COMMD1: variants seen among roughly 807,000 people sequenced by gnomAD.
The protein encoded by COMMD1 is copper metabolism domain containing 1.
In COMMD1, 10 loss-of-function variants were observed where a neutral mutation model predicts 17.2. The observed-to-expected ratio is 0.58, with a 90% CI of 0.36 to 0.99. The LOEUF (loss-of-function observed/expected upper bound fraction) is 0.99. Ranked by LOEUF, COMMD1 falls within the 50% of genes least tolerant of loss-of-function variation. COMMD1 has a pLI of 0.01. For synonymous variants in COMMD1, 97 were observed against 91.6 expected (o/e 1.06, Z -0.34); for missense variants, 270 against 231.8 (o/e 1.17, Z -1.07).
chr2:61,946,712 C>G (rs1320938647), intron 1 of COMMD1, among the ~76,000 whole-genome samples: 1 of 152,092 alleles, frequency 6.6e-6, no homozygotes. Flanking sequence ...GTAAATAAAC[C>G]CATTCAGTCT....
chr2:61,901,068 T>C (rs1339344343), upstream of COMMD1, among the ~76,000 whole-genome samples: 1 of 152,012 alleles, frequency 6.6e-6, no homozygotes, highest in Non-Finnish European at 1.5e-5. Flanking sequence ...TGTCTCAGTC[T>C]CCTGAGTAGC....
At chr2:61,932,762 C>T (rs912102053) in intron 1 of COMMD1, among the ~76,000 whole-genome samples, 5 of 152,092 alleles carry the variant, frequency 3.3e-5, no homozygotes, top group African/African-American at 7.2e-5. Context: ...AGCACATGAG[C>T]GAGTGCAGGA....
At chr2:62,057,821 C>G (rs1247206755) in intron 2 of COMMD1, among the ~76,000 whole-genome samples, 1 of 152,040 alleles carries the variant, frequency 6.6e-6, no homozygotes, top group Non-Finnish European at 1.5e-5. Flanking sequence ...ATCCTCCCAC[C>G]TTGGTCTCCC....
intron 2 of COMMD1, among the ~76,000 whole-genome samples, chr2:62,067,092 G>A (rs941763599): frequency 2.6e-5 from 4 of 152,046 alleles, no homozygotes; most frequent in Admixed American, 2.6e-4. Context: ...GGGCATGGTG[G>A]CTCATGCCTG....
chr2:62,085,318 C>T (rs534548603), intron 2 of COMMD1, among the ~76,000 whole-genome samples: 1 of 151,782 alleles, frequency 6.6e-6, no homozygotes, highest in East Asian at 2.0e-4. Context: ...CCTGGGTTCA[C>T]ACCATTCCTC....
Position 62,000,817 on chromosome 2 carries a change from G to T in COMMD1, c.297G>T (p.Lys99Asn). Residue 99 changes from lysine to asparagine, a missense_variant, in exon 2 of 3, where the codon AAG becomes AAT. Coordinates refer to ENST00000311832, the MANE Select transcript of COMMD1 (RefSeq NM_152516.4). ...DQAAVISKFW[K>N]SHKTKIRESL... ...CTGCTGTCATTTCCAAATTCTGGAAGAGCCACAAGACAAAAATCCGTGAGA... is the reference window on the plus strand; with the variant it reads ...CTGCTGTCATTTCCAAATTCTGGAATAGCCACAAGACAAAAATCCGTGAGA... 2 of 1,614,162 alleles carry T rather than the reference G, an allele frequency of 1.2e-6. No individual in the cohort carries two copies. The highest frequency in any genetic ancestry group is 1.7e-6 in the Non-Finnish European group (2 of 1,180,030).
chr2:61,931,093 C>G (rs973313558), intron 1 of COMMD1, among the ~76,000 whole-genome samples: 1 of 152,032 alleles, frequency 6.6e-6, no homozygotes, highest in Non-Finnish European at 1.5e-5. Flanking sequence ...AGGAGGATCA[C>G]TTGTGGTTAG....
chr2:61,991,533 G>A (rs745424076), intron 1 of COMMD1, among the ~76,000 whole-genome samples: 1 of 152,166 alleles, frequency 6.6e-6, no homozygotes, highest in Non-Finnish European at 1.5e-5. Flanking sequence ...TTTCATTGAG[G>A]TAAGTGCAGG....
chr2:61,978,403 AAGAC>A (rs761010266), intron 1 of COMMD1, among the ~76,000 whole-genome samples: 1 of 152,214 alleles, frequency 6.6e-6, no homozygotes, highest in East Asian at 1.9e-4. Flanking sequence ...TTGGGACTAA[AAGAC>A]AGGCTTTGGG....
intron 1 of COMMD1, among the ~76,000 whole-genome samples, chr2:61,993,798 A>G (rs769097106): frequency 9.9e-5 from 15 of 152,234 alleles, no homozygotes; most frequent in Non-Finnish European, 1.8e-4. Flanking sequence ...CTGGAACCCA[A>G]CCAAAATAAC....
intron 1 of COMMD1, among the ~76,000 whole-genome samples, chr2:61,952,209 C>T (rs1430456593): frequency 1.3e-5 from 2 of 152,172 alleles, no homozygotes; most frequent in African/African-American, 2.4e-5. Flanking sequence ...ATATTCCTTT[C>T]CTAAAACTTA....
At chr2:62,001,123 A>G (rs1668928537) in intron 2 of COMMD1, 141 bp downstream of exon 2, 1 of 872,576 alleles carries the variant, frequency 1.1e-6, no homozygotes, top group African/African-American at 1.7e-5. Flanking sequence ...AGGTAGAATC[A>G]TCTGAAAATT....
intron 1 of COMMD1, among the ~76,000 whole-genome samples, chr2:61,934,772 T>G (rs1294399789): frequency 2.6e-5 from 4 of 152,206 alleles, no homozygotes; most frequent in Non-Finnish European, 1.5e-5. Flanking sequence ...CTCTCAACCC[T>G]CATTGGTTCT....
At chr2:62,077,053 C>T (rs1483533965) in intron 2 of COMMD1, among the ~76,000 whole-genome samples, 3 of 152,146 alleles carry the variant, frequency 2.0e-5, no homozygotes, top group Non-Finnish European at 4.4e-5. Context: ...ATCGTTTGAG[C>T]CTGGGAGGTT....
intron 2 of COMMD1, among the ~76,000 whole-genome samples, chr2:62,128,340 A>AC (rs1489480756): frequency 6.6e-6 from 1 of 151,724 alleles, no homozygotes; most frequent in African/African-American, 2.4e-5. Flanking sequence ...AAAAAGAAAA[A>AC]AAAAAAACAA....
upstream of COMMD1, among the ~76,000 whole-genome samples, chr2:61,902,327 G>A (rs1281637646): frequency 1.3e-5 from 2 of 151,608 alleles, no homozygotes; most frequent in Admixed American, 6.6e-5. Flanking sequence ...CCAAGATGGT[G>A]AAACCTTGTC....
At chr2:62,033,680 A>G (rs1669968137) in intron 2 of COMMD1, among the ~76,000 whole-genome samples, 1 of 152,158 alleles carries the variant, frequency 6.6e-6, no homozygotes, top group Admixed American at 6.5e-5. Flanking sequence ...AAGCTACTAC[A>G]TTTAGTTGTT....
At chr2:62,063,803 A>T (rs561211631) in intron 2 of COMMD1, among the ~76,000 whole-genome samples, 8 of 146,950 alleles carry the variant, frequency 5.4e-5, no homozygotes, top group African/African-American at 1.7e-4. Context: ...CTTTTTTTTC[A>T]TATCTGGTCA....
Position 62,042,714 on chromosome 2 carries a change from G to C in COMMD1, c.462+41732G>C, listed in dbSNP as rs1046405837. On this transcript the variant is annotated intron_variant, in intron 2 of 2. Coordinates refer to ENST00000311832, the MANE Select transcript of COMMD1 (RefSeq NM_152516.4). The stretch of plus-strand genomic sequence containing the variant: ...CCAGAGCGGATGCCGAGGCTGAGGA[G>C]GTGCCGAGAGCGAATGAGGGCTGCT... Among the ~76,000 whole-genome samples the C allele has an allele frequency of 8.0e-4, 122 of 152,358 alleles. 2 individuals are homozygous for C. The highest frequency in any genetic ancestry group is 2.6e-3 in the African/African-American group (109 of 41,588).
Sources: gnomAD v4.1 joint callset for allele counts (sites outside exome capture counted in the v4.1 genomes callset) on GRCh38, gnomAD v4.1.1 for gene constraint, MANE v1.5 for transcripts, NCBI Gene and HGNC (gene_info 2026-07-23, HGNC 2026-07-21) for gene names.